NRG3: variants seen among roughly 807,000 people sequenced by gnomAD.
NRG3 encodes the protein neuregulin 3.
NRG3 carries 31 observed loss-of-function variants against 66.9 expected under a neutral mutation model. The observed-to-expected ratio is 0.46, with a 90% confidence interval of 0.35 to 0.63. The LOEUF is 0.63. Ranked by LOEUF, NRG3 falls within the 20% of genes least tolerant of loss-of-function variation. NRG3 has a pLI of 0.00. For synonymous variants in NRG3, 393 were observed against 359.4 expected (o/e 1.09, Z -1.06); for missense variants, 910 against 878.9 (o/e 1.04, Z -0.45).
intron 6 of NRG3, among the ~76,000 whole-genome samples, chr10:82,959,754 CCTT>C (rs1850429358): frequency 6.6e-6 from 1 of 152,128 alleles, no homozygotes; most frequent in Non-Finnish European, 1.5e-5. Flanking sequence ...CATAATCAAT[CCTT>C]CTAATTCCAA....
intron 2 of NRG3, among the ~76,000 whole-genome samples, chr10:82,437,837 C>T (rs980543258): frequency 6.6e-6 from 1 of 152,090 alleles, no homozygotes; most frequent in Non-Finnish European, 1.5e-5. Context: ...GCTGGGGGCT[C>T]ACTTCAGGCT....
At chr10:82,195,044 G>T (rs980283842) in intron 1 of NRG3, among the ~76,000 whole-genome samples, 15 of 152,048 alleles carry the variant, frequency 9.9e-5, no homozygotes, top group African/African-American at 3.6e-4. Flanking sequence ...TTATCAATTT[G>T]AGTTAGATTC....
intron 4 of NRG3, among the ~76,000 whole-genome samples, chr10:82,905,602 T>G (rs942848511): frequency 1.3e-5 from 2 of 152,192 alleles, no homozygotes; most frequent in Non-Finnish European, 2.9e-5. Context: ...GGGGAAAGTG[T>G]GCTTCCTTTT....
chr10:82,807,293 T>C (rs953024548), intron 3 of NRG3, among the ~76,000 whole-genome samples: 5 of 152,222 alleles, frequency 3.3e-5, no homozygotes, highest in Non-Finnish European at 7.4e-5. Context: ...ACTTGAAATA[T>C]AATAATTACT....
chr10:82,795,855 G>A (rs920759103), intron 3 of NRG3, among the ~76,000 whole-genome samples: 4 of 152,096 alleles, frequency 2.6e-5, no homozygotes, highest in African/African-American at 9.7e-5. Context: ...CATTTAGCAT[G>A]AGTGACTCCA....
chr10:82,185,025 T>A (rs1000958039), intron 1 of NRG3, among the ~76,000 whole-genome samples: 1 of 152,108 alleles, frequency 6.6e-6, no homozygotes, highest in African/African-American at 2.4e-5. Context: ...ACATCTTGAG[T>A]CTATTACCTA....
At chr10:82,551,385 AG>A (rs2044294209) in intron 2 of NRG3, among the ~76,000 whole-genome samples, 1 of 152,126 alleles carries the variant, frequency 6.6e-6, no homozygotes, top group Non-Finnish European at 1.5e-5. Flanking sequence ...ATCTTTCTCC[AG>A]TTCTCTCATA....
At chr10:81,936,049 TCAC>T (rs1014151181) in intron 1 of NRG3, among the ~76,000 whole-genome samples, 3 of 152,224 alleles carry the variant, frequency 2.0e-5, no homozygotes, top group African/African-American at 7.2e-5. Flanking sequence ...CTGCCTGTGT[TCAC>T]CATGTAAGTG....
chr10:81,990,298 A>T (rs1392311530), intron 1 of NRG3, among the ~76,000 whole-genome samples: 1 of 152,080 alleles, frequency 6.6e-6, no homozygotes, highest in East Asian at 1.9e-4. Context: ...GAGGCTGTTT[A>T]CTCTCATATT....
chr10:82,829,754 T>C (rs1334646280), intron 3 of NRG3, among the ~76,000 whole-genome samples: 4 of 152,184 alleles, frequency 2.6e-5, no homozygotes, highest in African/African-American at 9.7e-5. Flanking sequence ...GTTGTGTGAT[T>C]ACAACTAACA....
At chr10:82,781,657 C>T (rs1184404129) in intron 3 of NRG3, among the ~76,000 whole-genome samples, 1 of 152,088 alleles carries the variant, frequency 6.6e-6, no homozygotes, top group African/African-American at 2.4e-5. Context: ...TAGACCCTAA[C>T]ACATCCCACC....
intron 4 of NRG3, among the ~76,000 whole-genome samples, chr10:82,894,287 A>C (rs1843440303): frequency 1.3e-5 from 2 of 152,226 alleles, no homozygotes; most frequent in Non-Finnish European, 2.9e-5. Flanking sequence ...TTAAATAATA[A>C]AGGAGAAAAA....
intron 2 of NRG3, among the ~76,000 whole-genome samples, chr10:82,531,992 T>G (rs1847315473): frequency 6.6e-6 from 1 of 151,844 alleles, no homozygotes; most frequent in Admixed American, 6.6e-5. Context: ...TTCTATAAAT[T>G]TGATTATTCT....
chr10:81,950,325 T>C (rs761683587), intron 1 of NRG3, among the ~76,000 whole-genome samples: 1 of 152,212 alleles, frequency 6.6e-6, no homozygotes, highest in Non-Finnish European at 1.5e-5. Context: ...GGTATCATTA[T>C]ATGGAAATAC....
intron 1 of NRG3, among the ~76,000 whole-genome samples, chr10:81,897,823 A>T (rs757904192): frequency 3.9e-5 from 6 of 152,220 alleles, no homozygotes; most frequent in Non-Finnish European, 8.8e-5. Flanking sequence ...TGATGGGATT[A>T]TGCACACCAT....
At chr10:82,786,093 T>C (rs1333211) in intron 3 of NRG3, among the ~76,000 whole-genome samples, 13,685 of 152,034 alleles carry the variant, frequency 0.09, 658 homozygotes, top group African/African-American at 0.11. Flanking sequence ...AGCAGAGCCA[T>C]AGGAGTGAGG....
intron 6 of NRG3, among the ~76,000 whole-genome samples, chr10:82,965,508 G>A (rs572182592): frequency 2.0e-4 from 31 of 152,276 alleles, no homozygotes; most frequent in African/African-American, 7.5e-4. Context: ...GGCAAAGGCA[G>A]ATGGACCACT....
At chr10:82,600,035 C>A (rs1301821283) in intron 2 of NRG3, among the ~76,000 whole-genome samples, 1 of 151,918 alleles carries the variant, frequency 6.6e-6, no homozygotes, top group Non-Finnish European at 1.5e-5. Context: ...TTCAGGTGTC[C>A]TCTGATGATT....
At chr10:82,855,600 G>A (rs928581045) in intron 3 of NRG3, among the ~76,000 whole-genome samples, 25 of 152,180 alleles carry the variant, frequency 1.6e-4, no homozygotes, top group Non-Finnish European at 3.5e-4. Context: ...GTTTAGTTAT[G>A]TTGTCCAGGC....
Sources: allele counts gnomAD v4.1 joint callset (sites outside exome capture counted in the v4.1 genomes callset), GRCh38; gene constraint gnomAD v4.1.1; transcripts MANE v1.5; gene names NCBI Gene and HGNC (gene_info 2026-07-23, HGNC 2026-07-21).